Variants in BBS9 observed in about 807,000 individuals in gnomAD.
BBS9 encodes the protein protein PTHB1.
Under a neutral mutation model 117.7 loss-of-function variants are expected in BBS9, and 89 were observed. The ratio of observed to expected loss-of-function variants is 0.76; its 90% CI spans 0.64 to 0.90. The LOEUF (loss-of-function observed/expected upper bound fraction) is 0.90, where lower values mean the gene tolerates loss of function less well. Among genes scored for constraint, BBS9 ranks in the 40% least tolerant of loss-of-function variants. The pLI is 0.00. For missense variants in BBS9, 982 were observed against 1,042.2 expected (o/e 0.94, Z 0.80); for synonymous variants, 379 against 370.9 (o/e 1.02, Z -0.25).
chr7:33,619,434 CA>C (rs1444095055), intron 21 of BBS9, among the ~76,000 whole-genome samples: 2 of 152,132 alleles, frequency 1.3e-5, no homozygotes, highest in African/African-American at 4.8e-5. Flanking sequence ...CCACTCTCCA[CA>C]ATGGATAAAT....
intron 1 of BBS9, among the ~76,000 whole-genome samples, chr7:33,141,037 A>G (rs1488961618): frequency 4.6e-5 from 7 of 152,304 alleles, no homozygotes; most frequent in South Asian, 2.1e-4. Flanking sequence ...TGGTTTCCCA[A>G]TGAAAACAGT....
intron 5 of BBS9, among the ~76,000 whole-genome samples, chr7:33,233,806 T>C (rs923910549): frequency 1.3e-5 from 2 of 152,176 alleles, no homozygotes; most frequent in African/African-American, 2.4e-5. Flanking sequence ...TTTTTGACTA[T>C]AGGTTATATG....
intron 5 of BBS9, among the ~76,000 whole-genome samples, chr7:33,203,469 T>C (rs763995623): frequency 1.3e-5 from 2 of 152,128 alleles, no homozygotes; most frequent in African/African-American, 4.8e-5. Flanking sequence ...TACATTTTAG[T>C]GTACAGAGAC....
chr7:33,527,648 G>T (rs1849831313), intron 20 of BBS9, among the ~76,000 whole-genome samples: 1 of 152,198 alleles, frequency 6.6e-6, no homozygotes, highest in Non-Finnish European at 1.5e-5. Context: ...CCCACTGTCT[G>T]GCACTCCCTA....
In BBS9 at chr7:33,155,722, A is replaced by T; in HGVS notation, c.328+20A>T. 1 of 1,087,850 alleles carries T rather than the reference A, an allele frequency of 9.2e-7. No individual in the cohort carries two copies. 67.4% of individuals were successfully genotyped at this position (1,087,850 alleles called of 1,614,324 possible). ...TCTCAGGTAAGAAATATTTTTACCAATGTAGAATTTATATTACAAATTGGG... is the reference window on the plus strand; with the variant it reads ...TCTCAGGTAAGAAATATTTTTACCATTGTAGAATTTATATTACAAATTGGG... On this transcript the variant is annotated intron_variant, in intron 4 of 22. Transcript: ENST00000242067.
intron 19 of BBS9, among the ~76,000 whole-genome samples, chr7:33,389,162 ATACAATTT>A (rs1391251515): frequency 6.6e-6 from 1 of 152,126 alleles, no homozygotes; most frequent in Non-Finnish European, 1.5e-5. Flanking sequence ...ATTAAGTTGT[ATACAATTT>A]TATCACCTGT....
chr7:33,439,845 G>A (rs1001278554), intron 19 of BBS9, among the ~76,000 whole-genome samples: 3 of 152,126 alleles, frequency 2.0e-5, no homozygotes, highest in Non-Finnish European at 4.4e-5. Flanking sequence ...ATTGTTAAAG[G>A]AAAACCTTTC....
intron 21 of BBS9, among the ~76,000 whole-genome samples, chr7:33,579,425 T>G (rs1859498151): frequency 6.6e-6 from 1 of 152,162 alleles, no homozygotes. Context: ...GGGAATTCAT[T>G]TTCTAAATTG....
chr7:33,623,118 A>C (rs1029852240), intron 21 of BBS9, among the ~76,000 whole-genome samples: 3 of 152,190 alleles, frequency 2.0e-5, no homozygotes, highest in African/African-American at 7.2e-5. Flanking sequence ...AAATCATGTC[A>C]TAAAGTGGAA....
At chr7:33,394,267 G>A (rs897373136) in intron 19 of BBS9, among the ~76,000 whole-genome samples, 2 of 152,116 alleles carry the variant, frequency 1.3e-5, no homozygotes, top group Admixed American at 6.6e-5. Context: ...GGATGGAGCT[G>A]GAGGCCATTA....
At chr7:33,252,112 G>A (rs1281458527) in intron 5 of BBS9, among the ~76,000 whole-genome samples, 1 of 152,132 alleles carries the variant, frequency 6.6e-6, no homozygotes, top group Non-Finnish European at 1.5e-5. Context: ...GTGAGAGCAG[G>A]AGCAAGAGAG....
At chr7:33,204,936 A>G (rs1407553175) in intron 5 of BBS9, among the ~76,000 whole-genome samples, 2 of 152,218 alleles carry the variant, frequency 1.3e-5, no homozygotes, top group Non-Finnish European at 2.9e-5. Flanking sequence ...ACAATTCTTT[A>G]CTTTTATACC....
intron 19 of BBS9, among the ~76,000 whole-genome samples, chr7:33,391,561 G>T (rs751669261): frequency 6.6e-6 from 1 of 152,098 alleles, no homozygotes; most frequent in Non-Finnish European, 1.5e-5. Context: ...ATTTTTAACT[G>T]AAACAGTAAT....
At chr7:33,426,690 A>T (rs978520799) in intron 19 of BBS9, among the ~76,000 whole-genome samples, 1 of 152,110 alleles carries the variant, frequency 6.6e-6, no homozygotes, top group Non-Finnish European at 1.5e-5. Flanking sequence ...GGAGTTTTTT[A>T]AAAAACTATG....
chr7:33,401,963 G>C (rs1239458328), intron 19 of BBS9, among the ~76,000 whole-genome samples: 2 of 152,122 alleles, frequency 1.3e-5, no homozygotes, highest in Non-Finnish European at 2.9e-5. Context: ...AGGTTGGAAA[G>C]TAAGTCATGT....
chr7:33,140,086 C>G (rs1048794220), intron 1 of BBS9, among the ~76,000 whole-genome samples: 1 of 152,016 alleles, frequency 6.6e-6, no homozygotes, highest in African/African-American at 2.4e-5. Context: ...AGTGCAGTGG[C>G]GTGATCTTGG....
chr7:33,562,380 A>G (rs922286376), intron 21 of BBS9, among the ~76,000 whole-genome samples: 1 of 152,226 alleles, frequency 6.6e-6, no homozygotes, highest in African/African-American at 2.4e-5. Flanking sequence ...AAAATTAACA[A>G]CAGCTACTCA....
At chr7:33,300,106 C>G (rs1270383218) in intron 9 of BBS9, among the ~76,000 whole-genome samples, 1 of 152,170 alleles carries the variant, frequency 6.6e-6, no homozygotes, top group Non-Finnish European at 1.5e-5. Flanking sequence ...TTGGATCCTG[C>G]AGAGAGTAGT....
chr7:33,293,102 A>G (rs572296778), intron 9 of BBS9, among the ~76,000 whole-genome samples: 5 of 152,092 alleles, frequency 3.3e-5, no homozygotes, highest in Non-Finnish European at 4.4e-5. Context: ...GTTTTTATGT[A>G]CAAAATTTCT....
Sources: allele counts gnomAD v4.1 joint callset (sites outside exome capture counted in the v4.1 genomes callset), GRCh38; gene constraint gnomAD v4.1.1; transcripts MANE v1.5; gene names NCBI Gene and HGNC (gene_info 2026-07-23, HGNC 2026-07-21).